Variants in DACH1 observed in about 807,000 individuals in gnomAD.
The protein encoded by DACH1 is dachshund homolog 1.
Under a neutral mutation model 54.2 loss-of-function variants are expected in DACH1, and 12 were observed. The ratio of observed to expected loss-of-function variants is 0.22; its 90% CI spans 0.14 to 0.36. The LOEUF is 0.36. Among genes scored for constraint, DACH1 ranks in the 10% least tolerant of loss-of-function variants. DACH1 has a pLI of 1.00. For missense variants in DACH1, 805 were observed against 929.8 expected, an observed-to-expected ratio of 0.87 and a Z score of 1.75; for synonymous variants, 386 against 366.2, an observed-to-expected ratio of 1.05 and a Z score of -0.62.
chr13:71,603,365 G>T (rs1306714458), intron 3 of DACH1, among the ~76,000 whole-genome samples: 1 of 151,958 alleles, frequency 6.6e-6, no homozygotes, highest in Non-Finnish European at 1.5e-5. Context: ...GTATTTTAAT[G>T]ACATACTTTC....
intron 1 of DACH1, among the ~76,000 whole-genome samples, chr13:71,730,394 A>G (rs1393168597): frequency 6.6e-6 from 1 of 152,176 alleles, no homozygotes; most frequent in Non-Finnish European, 1.5e-5. Flanking sequence ...AGTACAGAGA[A>G]GCAATAAAAA....
chr13:71,627,231 C>T (rs951015465), intron 3 of DACH1, among the ~76,000 whole-genome samples: 1 of 151,248 alleles, frequency 6.6e-6, no homozygotes, highest in Non-Finnish European at 1.5e-5. Context: ...CAAATTTTTC[C>T]TGTCGTCTTA....
chr13:71,798,574 G>A (rs1185216813), intron 1 of DACH1, among the ~76,000 whole-genome samples: 4 of 151,542 alleles, frequency 2.6e-5, no homozygotes. Context: ...ATTTAAATAT[G>A]TTAATATTTC....
intron 2 of DACH1, among the ~76,000 whole-genome samples, chr13:71,677,458 A>T (rs933471463): frequency 2.0e-5 from 3 of 152,196 alleles, no homozygotes; most frequent in Admixed American, 6.5e-5. Flanking sequence ...TCAAGCAGCC[A>T]AAATAACACA....
intron 1 of DACH1, among the ~76,000 whole-genome samples, chr13:71,782,970 G>A (rs1480309008): frequency 1.3e-5 from 2 of 152,060 alleles, no homozygotes; most frequent in Admixed American, 1.3e-4. Flanking sequence ...ATTATCACAG[G>A]AAGGATCAAT....
chr13:71,471,601 A>G (rs1877083184), intron 10 of DACH1, among the ~76,000 whole-genome samples: 1 of 151,686 alleles, frequency 6.6e-6, no homozygotes, highest in Non-Finnish European at 1.5e-5. Context: ...TCTACTAAAA[A>G]CACCACCGGG....
chr13:71,791,454 C>T (rs1385728800), intron 1 of DACH1, among the ~76,000 whole-genome samples: 1 of 152,136 alleles, frequency 6.6e-6, no homozygotes, highest in African/African-American at 2.4e-5. Flanking sequence ...TATCTTGGCT[C>T]ACTGCAACCT....
chr13:71,669,703 T>C (rs145154310), intron 2 of DACH1, among the ~76,000 whole-genome samples: 113 of 152,268 alleles, frequency 7.4e-4, no homozygotes, highest in African/African-American at 2.5e-3. Context: ...GAACTTATGA[T>C]GGTGGTCTTT....
intron 2 of DACH1, among the ~76,000 whole-genome samples, chr13:71,644,522 T>C (rs1409265339): frequency 6.6e-6 from 1 of 152,116 alleles, no homozygotes; most frequent in East Asian, 1.9e-4. Flanking sequence ...ACAGAGTTCA[T>C]ATAAACTGTG....
chr13:71,782,683 T>C (rs1412938663), intron 1 of DACH1, among the ~76,000 whole-genome samples: 4 of 152,122 alleles, frequency 2.6e-5, no homozygotes, highest in Non-Finnish European at 5.9e-5. Context: ...TTTCCCATAG[T>C]GCGTACTCTG....
intron 10 of DACH1, among the ~76,000 whole-genome samples, chr13:71,451,920 T>C (rs1717786430): frequency 6.6e-6 from 1 of 152,140 alleles, no homozygotes; most frequent in African/African-American, 2.4e-5. Flanking sequence ...TACTCTGAAA[T>C]AACTATGGAT....
intron 10 of DACH1, among the ~76,000 whole-genome samples, chr13:71,456,869 A>G (rs1031716363): frequency 6.6e-6 from 1 of 152,072 alleles, no homozygotes; most frequent in Non-Finnish European, 1.5e-5. Context: ...CTATTTCTTT[A>G]CAAGTTCAGT....
At chr13:71,463,973 T>C (rs565722989) in intron 10 of DACH1, among the ~76,000 whole-genome samples, 1 of 152,122 alleles carries the variant, frequency 6.6e-6, no homozygotes, top group East Asian at 1.9e-4. Context: ...CTGCTGCAAT[T>C]CTTTAGCAGA....
At chr13:71,781,613 C>T (rs1566496849) in intron 1 of DACH1, among the ~76,000 whole-genome samples, 2 of 152,012 alleles carry the variant, frequency 1.3e-5, no homozygotes, top group African/African-American at 2.4e-5. Context: ...CTCCTGACCT[C>T]GTGATCCGCC....
intron 1 of DACH1, among the ~76,000 whole-genome samples, chr13:71,847,556 T>C (rs1428677306): frequency 1.3e-5 from 2 of 152,170 alleles, no homozygotes; most frequent in African/African-American, 4.8e-5. Context: ...TCATCTTCTA[T>C]CAGCAAGTAG....
intron 6 of DACH1, among the ~76,000 whole-genome samples, chr13:71,526,986 A>G (rs1365630426): frequency 6.6e-6 from 1 of 151,726 alleles, no homozygotes; most frequent in Non-Finnish European, 1.5e-5. Flanking sequence ...TCTGTTATTA[A>G]TATCTAATCT....
At chr13:71,466,058 A>C (rs1876536178) in intron 10 of DACH1, among the ~76,000 whole-genome samples, 1 of 152,172 alleles carries the variant, frequency 6.6e-6, no homozygotes, top group Non-Finnish European at 1.5e-5. Context: ...TTAAATTTCT[A>C]AATTCCCCAA....
At chr13:71,689,259 G>A (rs1026159384) in intron 1 of DACH1, among the ~76,000 whole-genome samples, 5 of 152,110 alleles carry the variant, frequency 3.3e-5, no homozygotes, top group Non-Finnish European at 7.4e-5. Flanking sequence ...CCAGAATGGG[G>A]GGCTTTACCC....
At position 71,439,222 on chromosome 13, in the gene DACH1, C is replaced by A. The variant is rs11620294; in HGVS notation, c.*1433G>T. 11 of 152,346 alleles carry A rather than the reference C, an allele frequency of 7.2e-5. No homozygotes were observed. In the East Asian group the frequency reaches 2.1e-3, roughly 29 times the overall value. 9.4% of individuals were successfully genotyped at this position (152,346 alleles called of 1,614,324 possible). The stretch of plus-strand genomic sequence containing the variant: ...GAAAAATCATAAAATGTATAGTGAC[C>A]GTACTGATTCATATCAGTCTTTAAA... On this transcript the variant is annotated 3_prime_UTR_variant, in exon 11 of 11. Coordinates refer to ENST00000613252, the MANE Select transcript of DACH1 (RefSeq NM_080759.6).
Sources: gnomAD v4.1 joint callset for allele counts (sites outside exome capture counted in the v4.1 genomes callset) on GRCh38, gnomAD v4.1.1 for gene constraint, MANE v1.5 for transcripts, NCBI Gene and HGNC (gene_info 2026-07-23, HGNC 2026-07-21) for gene names.